KY: variants seen among roughly 807,000 people sequenced by gnomAD.
KY encodes kyphoscoliosis peptidase.
A neutral mutation model predicts 76.1 loss-of-function variants in KY; 43 were observed. The observed-to-expected ratio is 0.57, with a 90% CI of 0.44 to 0.73. The LOEUF is 0.73. Ranked by LOEUF, KY falls within the 30% of genes least tolerant of loss-of-function variation. The probability of loss-of-function intolerance (pLI) is 0.00; values close to 1 mark genes in which losing one functional copy is unlikely to be tolerated. For synonymous variants in KY, 277 were observed against 326.2 expected (o/e 0.85, Z 1.63); for missense variants, 722 against 828.9 (o/e 0.87, Z 1.58).
rs1182241227 is a variant in KY at position 134,608,561 on chromosome 3, GA to G, written c.1090+87del. On this transcript the variant is annotated intron_variant, in intron 10 of 10. Transcript: ENST00000423778. ...CCATGCGTCTGGAAGGGCATGCCTTGAAAGCGCAGTCTCAGGCGGGCTCCTG... is the reference window on the plus strand; with the variant it reads ...CCATGCGTCTGGAAGGGCATGCCTTGAAGCGCAGTCTCAGGCGGGCTCCTG... The G allele has an allele frequency of 1.9e-6, 3 of 1,610,730 alleles. No homozygotes were observed. The South Asian group carries it at 3.3e-5, about 18-fold the overall frequency.
chr3:134,608,696 T>C lies in KY; in HGVS notation c.1043A>G (p.Asn348Ser), dbSNP rs763571164. The change falls in exon 10 of 11, where the codon AAC becomes AGC. Residue 348 changes from asparagine to serine, a missense_variant. Physicochemically the swap from Asn to Ser is conservative, Grantham distance 46. Coordinates refer to ENST00000423778, the MANE Select transcript of KY (RefSeq NM_178554.6). The part of the protein sequence containing the change: ...NNMYHKSEFY[N>S]KGMLSAHPET... ...TGGGTGGGCACTCAGCATCCCTTTGTTGTAGAATTCACTCTTGTGATACAT... is the reference window on the plus strand; with the variant it reads ...TGGGTGGGCACTCAGCATCCCTTTGCTGTAGAATTCACTCTTGTGATACAT... 1.9e-6 allele frequency: 3 copies of C among 1,614,048 alleles called. No individual in the cohort carries two copies. Among genetic ancestry groups the C allele is most frequent in the Non-Finnish European group, 1.7e-6 (2 of 1,179,888 alleles).
intron 7 of KY, among the ~76,000 whole-genome samples, chr3:134,620,415 C>T (rs1962400060): frequency 6.6e-6 from 1 of 152,158 alleles, no homozygotes; most frequent in Admixed American, 6.5e-5. Context: ...TGGAGATGAC[C>T]TGTTGCTCTG....
intron 3 of KY, among the ~76,000 whole-genome samples, 172 bp downstream of exon 3, chr3:134,643,144 G>A (rs944719306): frequency 1.3e-5 from 2 of 152,292 alleles, no homozygotes; most frequent in African/African-American, 4.8e-5. Flanking sequence ...GCAGCCTCTT[G>A]CTGCTTCCCA....
chr3:134,634,091 T>C (rs1964595453), intron 3 of KY, among the ~76,000 whole-genome samples: 1 of 152,118 alleles, frequency 6.6e-6, no homozygotes, highest in African/African-American at 2.4e-5. Context: ...AACTCCAAAA[T>C]ATGATTACAC....
At position 134,610,137 on chromosome 3, in the gene KY, T is replaced by C. The variant is rs1290693306; in HGVS notation, c.899+58A>G. ...TCTCCACCTGCTGCTTCATGCTGCCTGGCACATCCTCCACTTCCACCTGCC... is the reference window on the plus strand; with the variant it reads ...TCTCCACCTGCTGCTTCATGCTGCCCGGCACATCCTCCACTTCCACCTGCC... On this transcript the variant is annotated intron_variant, in intron 9 of 10. Transcript: ENST00000423778. 5 of 1,549,500 alleles carry C rather than the reference T, an allele frequency of 3.2e-6. No individual in the cohort carries two copies. In the East Asian group the frequency reaches 1.1e-4, roughly 35 times the overall value.
chr3:134,607,906 G>C (rs977859352), intron 10 of KY: 1 of 991,690 alleles, frequency 1.0e-6, no homozygotes, highest in East Asian at 1.1e-4. Flanking sequence ...CCTCATCCAG[G>C]GGTGCCTGAG....
Position 134,619,180 on chromosome 3 carries a change from A to G in KY, c.678T>C (p.Asp226=), listed in dbSNP as rs1165511382. 1.2e-6 allele frequency: 2 copies of G among 1,613,950 alleles called. No individual in the cohort carries two copies. Among genetic ancestry groups the G allele is most frequent in the South Asian group, 2.2e-5 (2 of 91,076 alleles). Residue 226 remains aspartate, a synonymous_variant, in exon 8 of 11, where the codon GAT becomes GAC. Coordinates refer to ENST00000423778, the MANE Select transcript of KY (RefSeq NM_178554.6). Reference sequence around the variant, plus strand: ...TTCTCTCGAAGAGGCCAGCATAGCCATCACAGTTGGTCTTCTGGGTCCGCA... The same window carrying G: ...TTCTCTCGAAGAGGCCAGCATAGCCGTCACAGTTGGTCTTCTGGGTCCGCA... ...DILRTQKTNC[D]GYAGLFERMC...
intron 3 of KY, among the ~76,000 whole-genome samples, chr3:134,635,708 A>G (rs1402963400): frequency 6.6e-6 from 1 of 152,104 alleles, no homozygotes; most frequent in Admixed American, 6.5e-5. Context: ...ACTACACACT[A>G]CAAACATTCG....
intron 3 of KY, chr3:134,639,986 T>C (rs1259767484): frequency 6.6e-6 from 1 of 152,592 alleles, no homozygotes; most frequent in Admixed American, 6.7e-5. Context: ...AAAGAAAGAA[T>C]GTTCTTTGCA....
chr3:134,603,552 T>C lies in KY; in HGVS notation c.*27A>G, dbSNP rs1478735488. 3.2e-6 allele frequency: 5 copies of C among 1,543,368 alleles called. No homozygotes were observed. The highest frequency in any genetic ancestry group is 1.3e-5 in the South Asian group (1 of 79,320). On this transcript the variant is annotated 3_prime_UTR_variant, in exon 11 of 11. Coordinates refer to ENST00000423778, the MANE Select transcript of KY (RefSeq NM_178554.6). ...CTGGGGAGGTCTGGCCTTGGCCCTTTGGGAGGGTAAGACCGGGGCACAGCC... is the reference window on the plus strand; with the variant it reads ...CTGGGGAGGTCTGGCCTTGGCCCTTCGGGAGGGTAAGACCGGGGCACAGCC...
chr3:134,610,969 C>T (rs956798041), intron 8 of KY, among the ~76,000 whole-genome samples: 1 of 152,288 alleles, frequency 6.6e-6, no homozygotes, highest in East Asian at 1.9e-4. Context: ...AGGGGAACCC[C>T]GGGGCAGGCG....
At chr3:134,637,484 T>G (rs1318466372) in intron 3 of KY, among the ~76,000 whole-genome samples, 3 of 152,252 alleles carry the variant, frequency 2.0e-5, no homozygotes, top group African/African-American at 4.8e-5. Flanking sequence ...TGAGTAGTCC[T>G]GTAGTAAAGA....
rs1457578915 is a variant in KY, at chr3:134,607,046, G to A, written c.1090+1603C>T. On this transcript the variant is annotated intron_variant, in intron 10 of 10. Transcript: ENST00000423778. ...TTAGGTTTAGATTTCTATAAATTAA[G>A]GAATCTGGTGTTTATATTTTTATGT... 36 of 985,034 alleles carry A rather than the reference G, an allele frequency of 3.7e-5. No homozygotes were observed. The Admixed American group carries it at 8.0e-4, about 22-fold the overall frequency. The allele number at this position is 985,034 out of a possible 1,614,324, so 61.0% of individuals were successfully genotyped here.
intron 8 of KY, among the ~76,000 whole-genome samples, chr3:134,611,665 C>A (rs1960483471): frequency 6.6e-6 from 1 of 152,250 alleles, no homozygotes; most frequent in Admixed American, 6.5e-5. Context: ...GCTCAGTCCC[C>A]AACTCAGTGG....
intron 1 of KY, among the ~76,000 whole-genome samples, chr3:134,650,103 T>C (rs1276491106): frequency 2.6e-5 from 4 of 152,196 alleles, no homozygotes; most frequent in Non-Finnish European, 4.4e-5. Flanking sequence ...TGTTCTGTCG[T>C]CTGGAGAACA....
In KY at chr3:134,628,386, A is replaced by G. The variant is rs957849537; in HGVS notation, c.338-568T>C. Among the ~76,000 whole-genome samples the G allele has an allele frequency of 3.8e-4, 58 of 152,142 alleles. 1 individual carries two copies. Among genetic ancestry groups the G allele is most frequent in the Admixed American group, 3.7e-3 (57 of 15,280 alleles). On this transcript the variant is annotated intron_variant, in intron 4 of 10. Transcript: ENST00000423778. ...AGACTCCCTGGGCAAAAGGAAAGGA[A>G]CTTTCCCTGCCGATCTGGAACCAGG... is the stretch of plus-strand genomic sequence containing the variant.
At chr3:134,649,089 C>T (rs552960545) in intron 1 of KY, among the ~76,000 whole-genome samples, 7 of 152,346 alleles carry the variant, frequency 4.6e-5, no homozygotes, top group African/African-American at 1.7e-4. Context: ...AAAAGCCATG[C>T]ACTTTTCCTC....
intron 5 of KY, among the ~76,000 whole-genome samples, 187 bp downstream of exon 5, chr3:134,627,569 T>A (rs1422444813): frequency 6.6e-6 from 1 of 152,216 alleles, no homozygotes; most frequent in Non-Finnish European, 1.5e-5. Context: ...ATGAGCTTTT[T>A]CCTTCTCCAC....
chr3:134,613,778 A>C (rs1960984314), intron 8 of KY, among the ~76,000 whole-genome samples: 1 of 152,248 alleles, frequency 6.6e-6, no homozygotes, highest in South Asian at 2.1e-4. Context: ...GTAAAGCATT[A>C]TTGTTAATAT....
Sources: gnomAD v4.1 joint callset for allele counts (sites outside exome capture counted in the v4.1 genomes callset) on GRCh38, gnomAD v4.1.1 for gene constraint, MANE v1.5 for transcripts, NCBI Gene and HGNC (gene_info 2026-07-23, HGNC 2026-07-21) for gene names.